NEK8: variants seen among roughly 807,000 people sequenced by gnomAD.
NEK8 encodes serine/threonine-protein kinase Nek8.
In NEK8, 51 loss-of-function variants were observed where a neutral mutation model predicts 77.2. That is an observed-to-expected ratio of 0.66 (90% CI 0.53 to 0.83). The LOEUF (loss-of-function observed/expected upper bound fraction) is 0.83. Among genes scored for constraint, NEK8 ranks in the 40% least tolerant of loss-of-function variants. The probability of loss-of-function intolerance (pLI) is 0.00; values close to 1 mark genes in which losing one functional copy is unlikely to be tolerated. For synonymous variants in NEK8, 365 were observed against 363.2 expected (o/e 1.00, Z -0.06); for missense variants, 787 against 909.2 (o/e 0.87, Z 1.73).
Position 28,742,326 on chromosome 17 carries a change from G to C in NEK8, c.*339G>C. On this transcript the variant is annotated 3_prime_UTR_variant, in exon 15 of 15. Coordinates refer to ENST00000268766, the MANE Select transcript of NEK8 (RefSeq NM_178170.3). ...AGGCTGAAGGCAGCCGGGCGCAGTGGCTCACGCCTGTAATCCCAGCACTTT... is the reference window on the plus strand; with the variant it reads ...AGGCTGAAGGCAGCCGGGCGCAGTGCCTCACGCCTGTAATCCCAGCACTTT... The C allele has an allele frequency of 2.4e-6, 1 of 423,714 alleles. No homozygotes were observed. The highest frequency in any genetic ancestry group is 4.4e-6 in the Non-Finnish European group (1 of 225,224). 26.2% of individuals were successfully genotyped at this position (423,714 alleles called of 1,614,324 possible).
intron 1 of NEK8, 128 bp from the exon 2 acceptor site, chr17:28,733,855 G>T (rs1384059450): frequency 2.6e-6 from 2 of 757,524 alleles, no homozygotes; most frequent in Admixed American, 2.0e-5. Flanking sequence ...TGTTCTGTGC[G>T]CTTGGTTAGA....
At position 28,737,947 on chromosome 17, in the gene NEK8, G is replaced by A; in HGVS notation, c.1018G>A (p.Gly340Arg). 6 of 1,612,896 alleles carry A rather than the reference G, an allele frequency of 3.7e-6. No individual in the cohort carries two copies. The highest frequency in any genetic ancestry group is 1.7e-5 in the Admixed American group (1 of 60,000). ...CACAGAGGTGGTCCAGGTGGCAGCT[G>A]GGCGCACGCAGAAAGCCGGCGTCAC... ...LNTEVVQVAA[G>R]RTQKAGVTRS... The change falls in exon 7 of 15, where the codon GGG becomes AGG. Residue 340 changes from glycine to arginine, a missense_variant. Physicochemically the swap from Gly to Arg is moderately radical, Grantham distance 125. Around this residue, in one of 2 missense-constraint regions of NEK8, gnomAD observed 516 missense variants for 544.0 expected, o/e 0.95. Coordinates refer to ENST00000268766, the MANE Select transcript of NEK8 (RefSeq NM_178170.3). This position sits in a 1 kb window ranked among gnomAD's most constrained non-coding sequence, Gnocchi z 4.8.
At chr17:28,739,016 A>AG (rs892055738) in intron 9 of NEK8, 68 bp from the exon 10 acceptor site, 3 of 1,141,550 alleles carry the variant, frequency 2.6e-6, no homozygotes, top group Non-Finnish European at 4.0e-6. Flanking sequence ...TTGTCCCTAC[A>AG]GGGGGTGTTG....
At chr17:28,733,704 C>A (rs1474514899) in intron 1 of NEK8, among the ~76,000 whole-genome samples, 1 of 152,166 alleles carries the variant, frequency 6.6e-6, no homozygotes, top group Non-Finnish European at 1.5e-5. Flanking sequence ...AACCAGATAA[C>A]TAGTAAGAGG....
In NEK8 at chr17:28,734,969, T is replaced by C; in HGVS notation, c.451T>C (p.Ser151Pro). 1 of 1,613,006 alleles carries C rather than the reference T, an allele frequency of 6.2e-7. No individual in the cohort carries two copies. Among genetic ancestry groups the C allele is most frequent in the Non-Finnish European group, 8.5e-7 (1 of 1,179,962 alleles). Residue 151 changes from serine (S) to proline (P), a missense_variant, in exon 3 of 15, where the codon TCC becomes CCC. Ser to Pro is a moderately conservative substitution (Grantham distance 74). Coordinates refer to ENST00000268766, the MANE Select transcript of NEK8 (RefSeq NM_178170.3). ...MVVKIGDFGI[S>P]KILSSKSKAY... is the part of the protein sequence containing the mutation. Reference sequence around the variant, plus strand: ...CGTCAAGATCGGTGATTTCGGCATCTCCAAGATCCTTAGCAGCAAGAGCAA... The same window carrying C: ...CGTCAAGATCGGTGATTTCGGCATCCCCAAGATCCTTAGCAGCAAGAGCAA...
Position 28,728,848 on chromosome 17 carries a change from G to A in NEK8, c.35G>A (p.Arg12Lys), listed in dbSNP as rs1489042744. ...TACGAGCGGATCCGAGTGGTGGGGAGAGGTGCCTTCGGGTGAGCCAGGGCT... is the reference window on the plus strand; with the variant it reads ...TACGAGCGGATCCGAGTGGTGGGGAAAGGTGCCTTCGGGTGAGCCAGGGCT... Reference protein sequence around the residue: ...EKYERIRVVGRGAFGIVHLCL... With the variant: ...EKYERIRVVGKGAFGIVHLCL... The change falls in exon 1 of 15, where the codon AGA becomes AAA. Residue 12 changes from arginine (R) to lysine (K), a missense_variant. Around this residue, in one of 2 missense-constraint regions of NEK8, gnomAD observed 271 missense variants for 365.1 expected, o/e 0.74. Coordinates refer to ENST00000268766, the MANE Select transcript of NEK8 (RefSeq NM_178170.3). 6.4e-6 allele frequency: 10 copies of A among 1,551,408 alleles called. No homozygotes were observed. The highest frequency in any genetic ancestry group is 8.7e-6 in the Non-Finnish European group (10 of 1,146,780).
Position 28,741,968 on chromosome 17 carries a change from A to T in NEK8, c.2060A>T (p.Asp687Val). ...CTTCGGTACCCTCCAGCGGTCACAG[A>T]TGAGCCGGTCCCCCCCTGAGGCACC... ...NTLLAVRSVT[D>V]EPVPP The change falls in exon 15 of 15, where the codon GAT (aspartate) becomes GTT (valine). Residue 687 changes from aspartate to valine, a missense_variant. Asp to Val is a radical substitution (Grantham distance 152, BLOSUM62 -3). Around this residue, in one of 2 missense-constraint regions of NEK8, gnomAD observed 516 missense variants for 544.0 expected, o/e 0.95. Coordinates refer to ENST00000268766, the MANE Select transcript of NEK8 (RefSeq NM_178170.3). This position sits in a 1 kb window ranked among gnomAD's most constrained non-coding sequence, Gnocchi z 4.5. The T allele has an allele frequency of 6.2e-7, 1 of 1,614,072 alleles. No individual in the cohort carries two copies. Among genetic ancestry groups the T allele is most frequent in the South Asian group, 1.1e-5 (1 of 91,084 alleles).
chr17:28,741,710 A>G lies in NEK8; in HGVS notation c.2050+139A>G. On this transcript the variant is annotated intron_variant, in intron 14 of 14. Transcript: ENST00000268766. The surrounding 1 kb of genome is among the most constrained non-coding windows in gnomAD (Gnocchi z 4.5). ...AAAAAAAGCAGAAGCTGCGGTTGAA[A>G]AGCTTCAAGCTTCCTGCCTGGGGTG... 1 of 1,176,772 alleles carries G rather than the reference A, an allele frequency of 8.5e-7. No individual in the cohort carries two copies. Among genetic ancestry groups the G allele is most frequent in the Non-Finnish European group, 1.3e-6 (1 of 798,148 alleles). The allele number at this position is 1,176,772 out of a possible 1,614,324, so 72.9% of individuals were successfully genotyped here.
chr17:28,741,116 G>A lies in NEK8; in HGVS notation c.1771G>A (p.Gly591Arg), dbSNP rs754159776. 1.5e-5 allele frequency: 25 copies of A among 1,614,022 alleles called. No individual in the cohort carries two copies. The highest frequency in any genetic ancestry group is 5.0e-5 in the Admixed American group (3 of 60,002). Residue 591 changes from glycine (G) to arginine (R), a missense_variant, in exon 13 of 15, where the codon GGA (glycine) becomes AGA (arginine). Coordinates refer to ENST00000268766, the MANE Select transcript of NEK8 (RefSeq NM_178170.3). The surrounding 1 kb of genome is among the most constrained non-coding windows in gnomAD (Gnocchi z 4.5). ...CTACACTTTTGGCAGCAATCAGCAC[G>A]GACAGTTGGGCACCAATACTCGCCG... Reference protein sequence around the residue: ...DCYTFGSNQHGQLGTNTRRGS... With the variant: ...DCYTFGSNQHRQLGTNTRRGS...
chr17:28,734,518 A>C (rs1767996474), intron 2 of NEK8: 1 of 554,030 alleles, frequency 1.8e-6, no homozygotes, highest in African/African-American at 1.9e-5. Flanking sequence ...TACTAAAAAT[A>C]CAAAAAAAAA....
At chr17:28,739,004 C>G in intron 9 of NEK8, 80 bp from the exon 10 acceptor site, 1 of 1,039,824 alleles carries the variant, frequency 9.6e-7, no homozygotes, top group Non-Finnish European at 1.5e-6. Flanking sequence ...TAGCCTCCAG[C>G]TTTGTCCCTA....
At chr17:28,731,737 G>A (rs2034309067) in intron 1 of NEK8, among the ~76,000 whole-genome samples, 1 of 149,394 alleles carries the variant, frequency 6.7e-6, no homozygotes, top group Non-Finnish European at 1.5e-5. Context: ...CCTAGCAGCT[G>A]GAACTACAGG....
chr17:28,737,637 G>A lies in NEK8; in HGVS notation c.828-38G>A. 6.2e-7 allele frequency: 1 copy of A among 1,614,212 alleles called. No homozygotes were observed. Among genetic ancestry groups the A allele is most frequent in the Non-Finnish European group, 8.5e-7 (1 of 1,180,034 alleles). On this transcript the variant is annotated intron_variant, in intron 5 of 14. Coordinates refer to ENST00000268766, the MANE Select transcript of NEK8 (RefSeq NM_178170.3). The surrounding 1 kb of genome is among the most constrained non-coding windows in gnomAD (Gnocchi z 4.8). Reference sequence around the variant, plus strand: ...TCCCTTCCTGCATGTAGGAATGTCAGGAGGGTCTTTGTCCTTAGGCCCCCA... The same window carrying A: ...TCCCTTCCTGCATGTAGGAATGTCAAGAGGGTCTTTGTCCTTAGGCCCCCA...
chr17:28,739,156 C>G lies in NEK8; in HGVS notation c.1372C>G (p.Leu458Val), dbSNP rs972627450. ...CTGTGGGGCCTCTCACGTGCTGGCC[C>G]TGTCCACTGAGCGAGAACTATTTGC... ...VACGASHVLA[L>V]STERELFAWG... is the part of the protein sequence containing the mutation. The change falls in exon 10 of 15, where the codon CTG becomes GTG. Residue 458 changes from leucine (L) to valine (V), a missense_variant. By Grantham distance (32) the Leu-to-Val change is conservative. Coordinates refer to ENST00000268766, the MANE Select transcript of NEK8 (RefSeq NM_178170.3). The G allele has an allele frequency of 6.2e-6, 10 of 1,614,200 alleles. No homozygotes were observed. The highest frequency in any genetic ancestry group is 8.5e-6 in the Non-Finnish European group (10 of 1,180,008).
intron 1 of NEK8, among the ~76,000 whole-genome samples, chr17:28,730,225 C>T (rs1008464706): frequency 4.6e-5 from 7 of 151,860 alleles, no homozygotes; most frequent in Non-Finnish European, 8.8e-5. Flanking sequence ...ATTCTCCTGC[C>T]TCAGCATCCT....
At chr17:28,739,448 C>T (rs142334065) in intron 10 of NEK8, among the ~76,000 whole-genome samples, 44 of 152,146 alleles carry the variant, frequency 2.9e-4, no homozygotes, top group African/African-American at 1.0e-3. Context: ...ATTCATCCAC[C>T]TAGTTTTTTA....
rs754883929 is a variant in NEK8 at position 28,737,541 on chromosome 17, T to C, written c.827+27T>C. On this transcript the variant is annotated intron_variant, in intron 5 of 14. Coordinates refer to ENST00000268766, the MANE Select transcript of NEK8 (RefSeq NM_178170.3). This position sits in a 1 kb window ranked among gnomAD's most constrained non-coding sequence, Gnocchi z 4.8. ...CCTGTGCAGGGACAGCGAGCGGTCCTGGGCGGCAGGGTGTGGGCACCCAGT... is the reference window on the plus strand; with the variant it reads ...CCTGTGCAGGGACAGCGAGCGGTCCCGGGCGGCAGGGTGTGGGCACCCAGT... 1.2e-6 allele frequency: 2 copies of C among 1,612,908 alleles called. No individual in the cohort carries two copies. The highest frequency in any genetic ancestry group is 1.7e-6 in the Non-Finnish European group (2 of 1,179,592).
Position 28,741,664 on chromosome 17 carries a change from A to C in NEK8, c.2050+93A>C. 2.2e-6 allele frequency: 3 copies of C among 1,369,506 alleles called. No individual in the cohort carries two copies. Among genetic ancestry groups the C allele is most frequent in the Non-Finnish European group, 3.1e-6 (3 of 961,992 alleles). 84.8% of individuals were successfully genotyped at this position (1,369,506 alleles called of 1,614,324 possible). On this transcript the variant is annotated intron_variant, in intron 14 of 14. Coordinates refer to ENST00000268766, the MANE Select transcript of NEK8 (RefSeq NM_178170.3). The surrounding 1 kb of genome is among the most constrained non-coding windows in gnomAD (Gnocchi z 4.5). ...TGTTCACAGATGGCCACATCACCAA[A>C]AGCATCTTTAGCCCCCAGATAAAAA...
At chr17:28,739,541 C>T (rs558644314) in intron 10 of NEK8, among the ~76,000 whole-genome samples, 2 of 152,296 alleles carry the variant, frequency 1.3e-5, no homozygotes, top group East Asian at 1.9e-4. Flanking sequence ...CCTCCACCAC[C>T]GGGTTCAAGC....
Sources: allele counts gnomAD v4.1 joint callset (sites outside exome capture counted in the v4.1 genomes callset), GRCh38; gene constraint gnomAD v4.1.1; regional missense constraint gnomAD v4.1.1; non-coding constraint Gnocchi (gnomAD v3.1); transcripts MANE v1.5; gene names NCBI Gene and HGNC (gene_info 2026-07-23, HGNC 2026-07-21).